GRIK2: variants seen among roughly 807,000 people sequenced by gnomAD.
The protein encoded by GRIK2 is glutamate receptor ionotropic, kainate 2.
A neutral mutation model predicts 100.3 loss-of-function variants in GRIK2; 32 were observed. The observed-to-expected ratio is 0.32, with a 90% CI of 0.24 to 0.43. The LOEUF (loss-of-function observed/expected upper bound fraction) is 0.43. Among genes scored for constraint, GRIK2 ranks in the 20% least tolerant of loss-of-function variants. The probability of loss-of-function intolerance (pLI) is 1.00; values close to 1 mark genes in which losing one functional copy is unlikely to be tolerated. For synonymous variants in GRIK2, 417 were observed against 389.4 expected (o/e 1.07, Z -0.83); for missense variants, 843 against 1,114.9 (o/e 0.76, Z 3.47).
chr6:101,695,864 CA>C (rs1467444156), intron 7 of GRIK2, among the ~76,000 whole-genome samples: 2 of 152,004 alleles, frequency 1.3e-5, no homozygotes, highest in African/African-American at 4.8e-5. Context: ...TATTTTAAAA[CA>C]AATTGTTGAA....
chr6:101,662,841 A>G (rs962652854), intron 4 of GRIK2, among the ~76,000 whole-genome samples: 4 of 152,082 alleles, frequency 2.6e-5, no homozygotes, highest in African/African-American at 7.2e-5. Context: ...GTGAACATAT[A>G]CCATTTATAT....
intron 2 of GRIK2, among the ~76,000 whole-genome samples, chr6:101,516,442 C>A (rs1325553431): frequency 1.3e-5 from 2 of 152,058 alleles, no homozygotes; most frequent in Admixed American, 1.3e-4. Context: ...AAGTACTTAA[C>A]AGCCAACTGA....
intron 2 of GRIK2, among the ~76,000 whole-genome samples, chr6:101,506,481 A>G (rs1774031734): frequency 6.6e-6 from 1 of 152,136 alleles, no homozygotes. Flanking sequence ...TAAATATATG[A>G]TTTCAGGACA....
intron 2 of GRIK2, among the ~76,000 whole-genome samples, chr6:101,585,987 A>C (rs1778337545): frequency 6.6e-6 from 1 of 152,092 alleles, no homozygotes. Context: ...AAAATATAAA[A>C]TTAGAGGAAA....
chr6:101,992,271 C>T (rs963328381), intron 14 of GRIK2, among the ~76,000 whole-genome samples: 1 of 151,528 alleles, frequency 6.6e-6, no homozygotes, highest in African/African-American at 2.4e-5. Context: ...TCTCTTCCCT[C>T]TTATTTGATT....
In GRIK2 at chr6:101,957,190, G is replaced by T. The variant is rs115730245; in HGVS notation, c.2085+28558G>T. ...TTGAGGTTTTAATAATAGCCATTCTGTCTGGTGTACGATGGTATTTCACTG... is the reference window on the plus strand; with the variant it reads ...TTGAGGTTTTAATAATAGCCATTCTTTCTGGTGTACGATGGTATTTCACTG... On this transcript the variant is annotated intron_variant, in intron 14 of 16. Coordinates refer to ENST00000369134, the MANE Select transcript of GRIK2 (RefSeq NM_021956.5). 1.2e-3 allele frequency among the ~76,000 whole-genome samples: 177 copies of T among 151,948 alleles called. 1 individual carries two copies. Among genetic ancestry groups the T allele is most frequent in the African/African-American group, 4.1e-3 (170 of 41,530 alleles).
At chr6:101,910,508 T>C (rs1157475123) in intron 12 of GRIK2, among the ~76,000 whole-genome samples, 1 of 151,264 alleles carries the variant, frequency 6.6e-6, no homozygotes, top group Non-Finnish European at 1.5e-5. Flanking sequence ...TGTCATCAGT[T>C]CAAATCAAGT....
At chr6:101,588,878 C>T (rs143555230) in intron 2 of GRIK2, among the ~76,000 whole-genome samples, 37 of 151,630 alleles carry the variant, frequency 2.4e-4, no homozygotes, top group African/African-American at 7.5e-4. Context: ...GTGAACAATA[C>T]GTGGAAAAGA....
Position 101,881,635 on chromosome 6 carries a change from A to T in GRIK2, c.1525-8005A>T, listed in dbSNP as rs1582447521. On this transcript the variant is annotated intron_variant, in intron 11 of 16. Transcript: ENST00000369134. ...CAAAAGTAACTTGTCTAGTGCATTA[A>T]ATATAAATTCCAGCTAGCCTGTGCA... Among the ~76,000 whole-genome samples, 3 of 151,926 alleles carry T rather than the reference A, an allele frequency of 2.0e-5. No individual in the cohort carries two copies. In the East Asian group the frequency reaches 5.8e-4, roughly 29 times the overall value.
chr6:101,791,787 G>C (rs989795333), intron 7 of GRIK2, among the ~76,000 whole-genome samples: 3 of 151,728 alleles, frequency 2.0e-5, no homozygotes, highest in African/African-American at 7.3e-5. Context: ...TCGTTGATCT[G>C]TCTAATGTTG....
At chr6:101,509,831 T>C (rs1774210515) in intron 2 of GRIK2, among the ~76,000 whole-genome samples, 1 of 152,210 alleles carries the variant, frequency 6.6e-6, no homozygotes, top group South Asian at 2.1e-4. Flanking sequence ...GTATGAATCA[T>C]GGGAGTTGAC....
chr6:101,899,517 A>T (rs1218243233), intron 12 of GRIK2, among the ~76,000 whole-genome samples: 2 of 152,002 alleles, frequency 1.3e-5, no homozygotes, highest in East Asian at 3.9e-4. Context: ...ATACCTTCTA[A>T]CTTATATAAA....
chr6:101,659,589 G>T (rs1769456207), intron 4 of GRIK2, among the ~76,000 whole-genome samples: 1 of 152,142 alleles, frequency 6.6e-6, no homozygotes, highest in African/African-American at 2.4e-5. Flanking sequence ...AATTTGTTAT[G>T]TTCTTGCAGT....
intron 13 of GRIK2, 31 bp downstream of exon 13, chr6:101,924,750 G>A (rs1478175750): frequency 1.5e-6 from 2 of 1,344,598 alleles, no homozygotes; most frequent in Non-Finnish European, 2.1e-6. Flanking sequence ...TTTCCTTTGG[G>A]CACCATGTCC....
chr6:101,740,802 T>A (rs1418780806), intron 7 of GRIK2, among the ~76,000 whole-genome samples: 2 of 152,244 alleles, frequency 1.3e-5, no homozygotes, highest in African/African-American at 4.8e-5. Context: ...GCCAGGTTCT[T>A]TTTAACCTCT....
chr6:101,996,550 CA>C (rs1228056391), intron 14 of GRIK2, among the ~76,000 whole-genome samples: 2 of 151,984 alleles, frequency 1.3e-5, no homozygotes, highest in Non-Finnish European at 2.9e-5. Context: ...TTCATTTGTT[CA>C]GAGCACTTAA....
intron 14 of GRIK2, among the ~76,000 whole-genome samples, chr6:101,961,554 C>T (rs895294047): frequency 2.6e-5 from 4 of 152,164 alleles, no homozygotes; most frequent in African/African-American, 7.2e-5. Context: ...ACCAGTGCCA[C>T]CTGCTGCTGG....
At chr6:101,404,216 A>G (rs1194227976) in intron 2 of GRIK2, among the ~76,000 whole-genome samples, 1 of 152,196 alleles carries the variant, frequency 6.6e-6, no homozygotes, top group East Asian at 1.9e-4. Flanking sequence ...TTCTCAGATG[A>G]CACTCTTTCA....
intron 7 of GRIK2, among the ~76,000 whole-genome samples, chr6:101,782,098 G>A (rs1384045538): frequency 6.6e-6 from 1 of 152,110 alleles, no homozygotes; most frequent in Non-Finnish European, 1.5e-5. Context: ...CATTTGTAAT[G>A]ATCAAGTCAG....
Sources: gnomAD v4.1 joint callset for allele counts (sites outside exome capture counted in the v4.1 genomes callset) on GRCh38, gnomAD v4.1.1 for gene constraint, MANE v1.5 for transcripts, NCBI Gene and HGNC (gene_info 2026-07-23, HGNC 2026-07-21) for gene names.